The following MACROD2 variants were observed in gnomAD, a reference collection of about 807,000 sequenced individuals.
The protein encoded by MACROD2 is mono-ADP ribosylhydrolase 2.
MACROD2 carries 36 observed loss-of-function variants against 70.4 expected under a neutral mutation model. The ratio of observed to expected loss-of-function variants is 0.51; its 90% CI spans 0.39 to 0.68. MACROD2 has a LOEUF of 0.68. MACROD2 is among the 30% of genes least tolerant of loss of function. The pLI, the probability that MACROD2 is intolerant of heterozygous loss-of-function variation, is 0.00. For missense variants in MACROD2, 496 were observed against 538.4 expected, an observed-to-expected ratio of 0.92 and a Z score of 0.78; for synonymous variants, 172 against 178.8, an observed-to-expected ratio of 0.96 and a Z score of 0.30.
chr20:14,490,759 G>A (rs1568636842), intron 3 of MACROD2, among the ~76,000 whole-genome samples: 1 of 151,954 alleles, frequency 6.6e-6, no homozygotes, highest in Non-Finnish European at 1.5e-5. Flanking sequence ...ATATATTTTA[G>A]GCATTCTTAC....
At chr20:14,633,735 C>G (rs1984636852) in intron 4 of MACROD2, among the ~76,000 whole-genome samples, 1 of 152,162 alleles carries the variant, frequency 6.6e-6, no homozygotes, top group Admixed American at 6.5e-5. Context: ...AACGACCTCC[C>G]TCTTGAGTTT....
Position 15,287,828 on chromosome 20 carries a change from G to A in MACROD2, c.540+57767G>A, listed in dbSNP as rs142248006. Among the ~76,000 whole-genome samples the A allele has an allele frequency of 2.8e-3, 426 of 152,294 alleles. 3 individuals are homozygous for A. Among genetic ancestry groups the A allele is most frequent in the African/African-American group, 9.4e-3 (389 of 41,568 alleles). On this transcript the variant is annotated intron_variant, in intron 6 of 17. Coordinates refer to ENST00000684519, the MANE Select transcript of MACROD2 (RefSeq NM_001351661.2). ...ATAAAGTTTGCAAAGATGCTTTTAT[G>A]ATTAAGGAGCTATTGGCATTTGCCA...
intron 8 of MACROD2, among the ~76,000 whole-genome samples, chr20:15,744,882 C>T (rs1174491044): frequency 4.6e-5 from 7 of 152,010 alleles, no homozygotes; most frequent in East Asian, 1.9e-4. Flanking sequence ...ATGTGCACAG[C>T]GTGCAGGTTT....
chr20:14,369,612 T>A (rs2083304205), intron 3 of MACROD2, among the ~76,000 whole-genome samples: 1 of 152,360 alleles, frequency 6.6e-6, no homozygotes, highest in African/African-American at 2.4e-5. Flanking sequence ...ACCTACTCCG[T>A]CATCTTCACT....
chr20:15,472,219 T>C lies in MACROD2; in HGVS notation c.572-27555T>C, dbSNP rs77183478. ...TTGAGTGCTTCAACACTATCTCTTC[T>C]TTTTTGAAAAAGGCTTTCTCTTGAC... On this transcript the variant is annotated intron_variant, in intron 7 of 17. Transcript: ENST00000684519. 5.6e-3 allele frequency among the ~76,000 whole-genome samples: 850 copies of C among 152,288 alleles called. 7 individuals carry two copies. The highest frequency in any genetic ancestry group is 0.019 in the African/African-American group (796 of 41,564).
At chr20:14,155,439 G>C (rs780422234) in intron 3 of MACROD2, among the ~76,000 whole-genome samples, 10 of 152,042 alleles carry the variant, frequency 6.6e-5, no homozygotes, top group Non-Finnish European at 1.3e-4. Flanking sequence ...GCTATTTCAC[G>C]TATAGATTGA....
At chr20:15,519,283 T>C (rs1236206286) in intron 8 of MACROD2, among the ~76,000 whole-genome samples, 1 of 151,952 alleles carries the variant, frequency 6.6e-6, no homozygotes. Context: ...GCTAATTTTT[T>C]TTGTTTGTTT....
At chr20:15,872,151 A>G (rs1047060186) in intron 9 of MACROD2, among the ~76,000 whole-genome samples, 1 of 152,190 alleles carries the variant, frequency 6.6e-6, no homozygotes, top group Non-Finnish European at 1.5e-5. Flanking sequence ...ATCCATTTGC[A>G]TTAGTAGGGC....
At chr20:14,135,053 TG>T (rs2054776586) in intron 3 of MACROD2, among the ~76,000 whole-genome samples, 1 of 152,124 alleles carries the variant, frequency 6.6e-6, no homozygotes, top group Admixed American at 6.6e-5. Flanking sequence ...AATTAATATA[TG>T]ATATAAATTC....
At chr20:14,466,981 G>A (rs2084459503) in intron 3 of MACROD2, among the ~76,000 whole-genome samples, 2 of 152,106 alleles carry the variant, frequency 1.3e-5, no homozygotes, top group African/African-American at 4.8e-5. Context: ...CTCAGGGGTT[G>A]GGGACCCACT....
chr20:15,066,459 A>G (rs2075576130), intron 5 of MACROD2, among the ~76,000 whole-genome samples: 2 of 152,076 alleles, frequency 1.3e-5, no homozygotes, highest in Admixed American at 6.5e-5. Flanking sequence ...TTAAGACCTA[A>G]GCTCAGAATA....
intron 3 of MACROD2, among the ~76,000 whole-genome samples, chr20:14,421,074 ATGG>A (rs2122894317): frequency 6.6e-6 from 1 of 152,318 alleles, no homozygotes; most frequent in South Asian, 2.1e-4. Flanking sequence ...ACGCTTGGTA[ATGG>A]TGTATAATCC....
intron 3 of MACROD2, among the ~76,000 whole-genome samples, chr20:14,093,993 A>T (rs370769637): frequency 0.026 from 3,911 of 150,346 alleles, 70 homozygotes; most frequent in Middle Eastern, 0.058. Context: ...TTTTTTTAAA[A>T]TTTTTTTTTT....
chr20:14,146,166 C>CA (rs554450950), intron 3 of MACROD2, among the ~76,000 whole-genome samples: 340 of 152,006 alleles, frequency 2.2e-3, no homozygotes, highest in Admixed American at 6.5e-3. Flanking sequence ...ACTAAAAATA[C>CA]AAAAAATTAG....
intron 3 of MACROD2, among the ~76,000 whole-genome samples, chr20:14,306,512 A>G (rs1252707118): frequency 6.6e-6 from 1 of 152,152 alleles, no homozygotes; most frequent in Non-Finnish European, 1.5e-5. Context: ...AAATTGTTAA[A>G]TGTTTTAATG....
chr20:14,477,864 A>G (rs2123062843), intron 3 of MACROD2, among the ~76,000 whole-genome samples: 1 of 152,134 alleles, frequency 6.6e-6, no homozygotes, highest in East Asian at 1.9e-4. Flanking sequence ...CTGGAATTGA[A>G]AACTAAAACT....
chr20:14,330,349 T>A (rs2082813413), intron 3 of MACROD2, among the ~76,000 whole-genome samples: 1 of 152,048 alleles, frequency 6.6e-6, no homozygotes. Context: ...ATACTTTGTA[T>A]ATATGTAGGG....
intron 3 of MACROD2, among the ~76,000 whole-genome samples, chr20:14,404,294 A>G (rs548806869): frequency 6.6e-5 from 10 of 152,298 alleles, no homozygotes; most frequent in African/African-American, 2.4e-4. Context: ...TCCAGATATG[A>G]TTAAGGAAGC....
At chr20:14,228,827 G>A (rs1456488418) in intron 3 of MACROD2, among the ~76,000 whole-genome samples, 2 of 122,140 alleles carry the variant, frequency 1.6e-5, no homozygotes, top group Non-Finnish European at 3.4e-5. Flanking sequence ...GCAACATGGC[G>A]AAACCCCATC....
Sources: allele counts gnomAD v4.1 joint callset (sites outside exome capture counted in the v4.1 genomes callset), GRCh38; gene constraint gnomAD v4.1.1; transcripts MANE v1.5; gene names NCBI Gene and HGNC (gene_info 2026-07-23, HGNC 2026-07-21).